GJB7: variants seen among roughly 807,000 people sequenced by gnomAD.
GJB7 encodes the protein gap junction protein beta 7, also known as gap junction beta-7 protein.
For missense variants in GJB7, 253 were observed against 256.8 expected (o/e 0.99, Z 0.10); for synonymous variants, 87 against 95.2 (o/e 0.91, Z 0.50).
At chr6:87,297,625 T>C (rs900919215) in intron 2 of GJB7, among the ~76,000 whole-genome samples, 2 of 152,146 alleles carry the variant, frequency 1.3e-5, no homozygotes, top group Non-Finnish European at 2.9e-5. Context: ...CTAGAGAAAA[T>C]TTAACCAAGT....
intron 1 of GJB7, among the ~76,000 whole-genome samples, chr6:87,327,283 G>T (rs1419297206): frequency 6.7e-6 from 1 of 149,490 alleles, no homozygotes; most frequent in Non-Finnish European, 1.5e-5. Context: ...AGGTAATATT[G>T]TTATGTGTGA....
At position 87,299,236 on chromosome 6, in the gene GJB7, A is replaced by G. The variant is rs374068937; in HGVS notation, c.-27-14297T>C. Reference sequence around the variant, plus strand: ...CTGAACTTAAGAAGCTGTCTGAACCATGACAACCCCTGGAGAAATTGCTCA... The same window carrying G: ...CTGAACTTAAGAAGCTGTCTGAACCGTGACAACCCCTGGAGAAATTGCTCA... On this transcript the variant is annotated intron_variant, in intron 2 of 2. Coordinates refer to ENST00000525899, the MANE Select transcript of GJB7 (RefSeq NM_198568.3). 49 of 457,696 alleles carry G rather than the reference A, an allele frequency of 1.1e-4. No individual in the cohort carries two copies. In the East Asian group the frequency reaches 2.4e-3, roughly 22 times the overall value. 28.4% of individuals were successfully genotyped at this position (457,696 alleles called of 1,614,324 possible).
chr6:87,313,915 C>A (rs773707775), intron 2 of GJB7, among the ~76,000 whole-genome samples: 2 of 152,154 alleles, frequency 1.3e-5, no homozygotes, highest in Admixed American at 1.3e-4. Context: ...CCAGGTGATT[C>A]TAATGCATGC....
intron 1 of GJB7, among the ~76,000 whole-genome samples, chr6:87,328,253 G>A (rs1341879157): frequency 3.3e-5 from 5 of 152,076 alleles, no homozygotes; most frequent in South Asian, 2.1e-4. Context: ...CTCTCAGCTC[G>A]TCAAAGTCAT....
intron 2 of GJB7, among the ~76,000 whole-genome samples, chr6:87,315,255 TC>T (rs1391918285): frequency 6.6e-6 from 1 of 152,156 alleles, no homozygotes; most frequent in Non-Finnish European, 1.5e-5. Context: ...GAACTGCACC[TC>T]CACAATTATG....
chr6:87,292,723 G>A (rs1478789996), intron 2 of GJB7, among the ~76,000 whole-genome samples: 1 of 152,234 alleles, frequency 6.6e-6, no homozygotes, highest in Admixed American at 6.5e-5. Context: ...GAATTTTACA[G>A]TTGGAAATGT....
chr6:87,304,760 A>C (rs973055544), intron 2 of GJB7, among the ~76,000 whole-genome samples: 5 of 152,168 alleles, frequency 3.3e-5, no homozygotes, highest in Admixed American at 6.5e-5. Flanking sequence ...GATGAACATC[A>C]ATGCAAAAAT....
intron 1 of GJB7, among the ~76,000 whole-genome samples, chr6:87,323,381 G>A (rs1039114418): frequency 6.6e-6 from 1 of 151,830 alleles, no homozygotes; most frequent in African/African-American, 2.4e-5. Context: ...CCACCAACTG[G>A]ACATCTAACA....
chr6:87,318,249 A>G lies in GJB7; in HGVS notation c.-28+4617T>C, dbSNP rs1000124290. ...AAATAGCAAGATGTTTGTCCTTCTT[A>G]CAAGCACCACTAGAAAACAGACTGC... is the stretch of plus-strand genomic sequence containing the variant. On this transcript the variant is annotated intron_variant, in intron 2 of 2. Transcript: ENST00000525899. Among the ~76,000 whole-genome samples the G allele has an allele frequency of 2.6e-5, 4 of 152,116 alleles. No homozygotes were observed. The East Asian group carries it at 7.7e-4, about 29-fold the overall frequency.
At chr6:87,310,539 T>G (rs1776501392) in intron 2 of GJB7, among the ~76,000 whole-genome samples, 1 of 152,118 alleles carries the variant, frequency 6.6e-6, no homozygotes. Context: ...AGACTACACA[T>G]TGGGTACCAT....
At chr6:87,290,568 T>G (rs1174847957) in intron 2 of GJB7, among the ~76,000 whole-genome samples, 1 of 152,152 alleles carries the variant, frequency 6.6e-6, no homozygotes, top group African/African-American at 2.4e-5. Flanking sequence ...TACGTTCATA[T>G]TCCTAAGCTT....
chr6:87,316,912 C>T (rs1205728251), intron 2 of GJB7, among the ~76,000 whole-genome samples: 1 of 152,218 alleles, frequency 6.6e-6, no homozygotes, highest in African/African-American at 2.4e-5. Flanking sequence ...TGACCTGAAA[C>T]ATCCTTTCTA....
intron 2 of GJB7, among the ~76,000 whole-genome samples, chr6:87,297,375 G>A (rs1776262483): frequency 6.6e-6 from 1 of 152,172 alleles, no homozygotes; most frequent in Non-Finnish European, 1.5e-5. Flanking sequence ...GTGATACCCA[G>A]CATCAAAAGA....
chr6:87,312,440 G>T (rs1183787349), intron 2 of GJB7, among the ~76,000 whole-genome samples: 1 of 151,230 alleles, frequency 6.6e-6, no homozygotes, highest in East Asian at 2.0e-4. Flanking sequence ...GAACTCGCGA[G>T]GCGGAGGTTG....
At chr6:87,304,115 AC>A (rs1005545754) in intron 2 of GJB7, among the ~76,000 whole-genome samples, 55 of 152,222 alleles carry the variant, frequency 3.6e-4, no homozygotes, top group African/African-American at 1.3e-3. Flanking sequence ...AATTGAAAGA[AC>A]TAGAGAAGCA....
At chr6:87,308,294 G>T (rs1776463297) in intron 2 of GJB7, among the ~76,000 whole-genome samples, 1 of 152,106 alleles carries the variant, frequency 6.6e-6, no homozygotes, top group East Asian at 1.9e-4. Context: ...GTTAATGGGT[G>T]CAGCACACCA....
intron 2 of GJB7, among the ~76,000 whole-genome samples, chr6:87,304,032 A>G (rs958281931): frequency 6.6e-6 from 1 of 152,226 alleles, no homozygotes; most frequent in African/African-American, 2.4e-5. Context: ...AGCAGTGTGT[A>G]TAGGGAAATT....
intron 2 of GJB7, among the ~76,000 whole-genome samples, chr6:87,286,016 C>G (rs547581924): frequency 2.0e-5 from 3 of 152,186 alleles, no homozygotes; most frequent in Non-Finnish European, 4.4e-5. Flanking sequence ...ACCACTCTAC[C>G]CTCTCTTCTT....
intron 2 of GJB7, among the ~76,000 whole-genome samples, chr6:87,286,395 T>A (rs1776059885): frequency 6.6e-6 from 1 of 152,194 alleles, no homozygotes; most frequent in African/African-American, 2.4e-5. Context: ...GTTCTTCAGA[T>A]TCCTCCTAAA....
Sources: allele counts gnomAD v4.1 joint callset (sites outside exome capture counted in the v4.1 genomes callset), GRCh38; gene constraint gnomAD v4.1.1; transcripts MANE v1.5; gene names NCBI Gene and HGNC (gene_info 2026-07-23, HGNC 2026-07-21).